Variants in KCNN2 observed in about 807,000 individuals in gnomAD.
KCNN2 encodes the protein potassium calcium-activated channel subfamily N member 2.
A neutral mutation model predicts 55.5 loss-of-function variants in KCNN2; 24 were observed. That is an observed-to-expected ratio of 0.43 (90% CI 0.31 to 0.61). The LOEUF (loss-of-function observed/expected upper bound fraction) is 0.61, where lower values mean the gene tolerates loss of function less well. KCNN2 is among the 20% of genes least tolerant of loss of function. The pLI, the probability that KCNN2 is intolerant of heterozygous loss-of-function variation, is 0.08. For missense variants in KCNN2, 754 were observed against 853.6 expected, an observed-to-expected ratio of 0.88 and a Z score of 1.45; for synonymous variants, 431 against 336.1, an observed-to-expected ratio of 1.28 and a Z score of -3.09.
intron 2 of KCNN2, among the ~76,000 whole-genome samples, chr5:114,373,658 A>ATATATATAT (rs1554084191): frequency 6.9e-4 from 72 of 104,378 alleles, no homozygotes; most frequent in Middle Eastern, 4.2e-3. Flanking sequence ...ATATATATAT[A>ATATATATAT]AAATTACTTG....
chr5:114,237,880 T>G (rs1222265161), intron 2 of KCNN2, among the ~76,000 whole-genome samples: 1 of 152,202 alleles, frequency 6.6e-6, no homozygotes, highest in Admixed American at 6.5e-5. Context: ...AATCTTGTGA[T>G]GCTCAGCTCT....
At chr5:114,374,175 T>A (rs561487018) in intron 2 of KCNN2, among the ~76,000 whole-genome samples, 34 of 152,282 alleles carry the variant, frequency 2.2e-4, no homozygotes, top group African/African-American at 7.5e-4. Context: ...CTATGTTACA[T>A]TAACTCCTTC....
At chr5:114,408,341 G>A (rs1759006524) in intron 3 of KCNN2, among the ~76,000 whole-genome samples, 1 of 152,018 alleles carries the variant, frequency 6.6e-6, no homozygotes, top group Non-Finnish European at 1.5e-5. Context: ...AGGCCAGCAT[G>A]TTTGTTGAGC....
At chr5:114,191,815 GA>G (rs1753456321) in intron 1 of KCNN2, among the ~76,000 whole-genome samples, 1 of 152,100 alleles carries the variant, frequency 6.6e-6, no homozygotes, top group African/African-American at 2.4e-5. Context: ...TATTTCCCTG[GA>G]AAAGCTATCT....
chr5:114,119,276 C>A (rs1439333288), intron 1 of KCNN2, among the ~76,000 whole-genome samples: 1 of 152,122 alleles, frequency 6.6e-6, no homozygotes, highest in East Asian at 1.9e-4. Flanking sequence ...TAAAGAGTCC[C>A]ATAGAGGGAG....
chr5:114,332,411 A>C (rs1395741162), intron 2 of KCNN2, among the ~76,000 whole-genome samples: 2 of 152,252 alleles, frequency 1.3e-5, no homozygotes, highest in African/African-American at 4.8e-5. Context: ...AGGAAGTAGC[A>C]TAAAAGATTC....
chr5:114,246,394 TAAAC>T lies in KCNN2; in HGVS notation c.-185+24832_-185+24835del, dbSNP rs146796841. 3.1e-3 allele frequency among the ~76,000 whole-genome samples: 466 copies of T among 152,286 alleles called. 2 individuals carry two copies. The highest frequency in any genetic ancestry group is 0.011 in the African/African-American group (445 of 41,574). ...ATTATGTTGTTGAAATTTTAGAAGA[TAAAC>T]AATGCGTAGGTCATTTTTCATGGTT... On this transcript the variant is annotated intron_variant, in intron 2 of 10. Coordinates refer to the KCNN2 transcript ENST00000512097.
intron 2 of KCNN2, among the ~76,000 whole-genome samples, chr5:114,259,185 G>A (rs981008977): frequency 6.6e-6 from 1 of 152,220 alleles, no homozygotes; most frequent in Admixed American, 6.5e-5. Flanking sequence ...GGCTAGGAAA[G>A]CACGTGTTCT....
chr5:114,087,913 G>A (rs1040871834), intron 1 of KCNN2, among the ~76,000 whole-genome samples: 2 of 151,670 alleles, frequency 1.3e-5, no homozygotes, highest in Non-Finnish European at 1.5e-5. Flanking sequence ...AATTCCTTAT[G>A]CTATTCTCAA....
chr5:114,236,580 A>G (rs539482212), intron 2 of KCNN2, among the ~76,000 whole-genome samples: 4 of 152,096 alleles, frequency 2.6e-5, no homozygotes, highest in Non-Finnish European at 4.4e-5. Flanking sequence ...AAAAGCTGAG[A>G]TCTTGGAAAT....
At chr5:114,472,629 A>T (rs958479248) in intron 4 of KCNN2, among the ~76,000 whole-genome samples, 1 of 152,076 alleles carries the variant, frequency 6.6e-6, no homozygotes, top group Admixed American at 6.6e-5. Flanking sequence ...AGGCCTGCTG[A>T]TCTCATCTTA....
intron 2 of KCNN2, among the ~76,000 whole-genome samples, chr5:114,379,451 GAATATATTATATAACATATTATATATTTA>G (rs1758036954): frequency 5.2e-5 from 6 of 115,374 alleles, no homozygotes; most frequent in South Asian, 2.8e-4. Flanking sequence ...TATATTTATA[GAATATATTATATAACATATTATATATTTA>G]TAGAATATAT....
chr5:114,168,419 G>A (rs1354263268), intron 1 of KCNN2, among the ~76,000 whole-genome samples: 1 of 152,002 alleles, frequency 6.6e-6, no homozygotes, highest in African/African-American at 2.4e-5. Context: ...GGTTGGTTAA[G>A]CATTTCTTCC....
intron 2 of KCNN2, among the ~76,000 whole-genome samples, chr5:114,299,390 A>T (rs1458556941): frequency 6.6e-6 from 1 of 152,176 alleles, no homozygotes; most frequent in Non-Finnish European, 1.5e-5. Context: ...GTACTAAAAG[A>T]GGTAGGATTT....
chr5:114,465,615 CA>C lies in KCNN2; in HGVS notation c.1779+2438del, dbSNP rs574328581. Among the ~76,000 whole-genome samples the C allele has an allele frequency of 9.7e-3, 1,191 of 122,306 alleles. 7 individuals carry two copies. The highest frequency in any genetic ancestry group is 0.025 in the African/African-American group (850 of 34,444). The allele number at this position is 122,306 out of a possible 152,430, so 80.2% of individuals were successfully genotyped here. The stretch of plus-strand genomic sequence containing the variant: ...CAACAAGAGTGAAACTCCATCATCT[CA>C]AAAAAAAAAAAAGAGAGAGGTTATA... On this transcript the variant is annotated intron_variant, in intron 4 of 7. Coordinates refer to ENST00000673685, the MANE Select transcript of KCNN2 (RefSeq NM_021614.4).
chr5:114,338,901 G>T (rs780937525), intron 2 of KCNN2, among the ~76,000 whole-genome samples: 1 of 152,174 alleles, frequency 6.6e-6, no homozygotes, highest in Non-Finnish European at 1.5e-5. Context: ...GTTACTGAAG[G>T]ATGTGTTCCA....
chr5:114,398,182 A>AG (rs1229996281), intron 2 of KCNN2, among the ~76,000 whole-genome samples: 1 of 151,964 alleles, frequency 6.6e-6, no homozygotes, highest in Non-Finnish European at 1.5e-5. Context: ...TAAGTCTATA[A>AG]CCCATTTAGA....
chr5:114,486,063 C>G (rs879811757), intron 5 of KCNN2, among the ~76,000 whole-genome samples: 2 of 152,152 alleles, frequency 1.3e-5, no homozygotes, highest in Non-Finnish European at 2.9e-5. Flanking sequence ...AAGTCAAGTA[C>G]GTAGAACCCG....
intron 3 of KCNN2, among the ~76,000 whole-genome samples, chr5:114,440,587 G>A (rs944302971): frequency 4.7e-5 from 7 of 150,446 alleles, no homozygotes; most frequent in Non-Finnish European, 7.4e-5. Context: ...GGGTAAAGAA[G>A]GTTGAACTGA....
Sources: gnomAD v4.1 joint callset for allele counts (sites outside exome capture counted in the v4.1 genomes callset) on GRCh38, gnomAD v4.1.1 for gene constraint, MANE v1.5 for transcripts, NCBI Gene and HGNC (gene_info 2026-07-23, HGNC 2026-07-21) for gene names.